The following LRRC7 variants were observed in gnomAD, a reference collection of about 807,000 sequenced individuals.
LRRC7 encodes the protein leucine rich repeat containing 7.
A neutral mutation model predicts 175.7 loss-of-function variants in LRRC7; 23 were observed. The observed-to-expected ratio is 0.13, with a 90% CI of 0.09 to 0.19. The LOEUF is 0.19. Among genes scored for constraint, LRRC7 ranks in the 10% least tolerant of loss-of-function variants. The pLI is 1.00. For missense variants in LRRC7, 1,354 were observed against 1,904.7 expected (o/e 0.71, Z 5.38); for synonymous variants, 685 against 680.9 (o/e 1.01, Z -0.09).
chr1:70,043,661 C>T (rs1283728027), intron 21 of LRRC7, among the ~76,000 whole-genome samples: 1 of 152,178 alleles, frequency 6.6e-6, no homozygotes, highest in Non-Finnish European at 1.5e-5. Flanking sequence ...TCCAAAGTCA[C>T]TACTATCACG....
At chr1:69,747,102 A>G (rs976967045) in intron 2 of LRRC7, among the ~76,000 whole-genome samples, 4 of 152,146 alleles carry the variant, frequency 2.6e-5, no homozygotes, top group African/African-American at 7.2e-5. Flanking sequence ...GTATGACTTC[A>G]TCTTAACCAA....
At position 70,128,262 on chromosome 1, in the gene LRRC7, T is replaced by A. The variant is rs752214199; in HGVS notation, c.*6375T>A. On this transcript the variant is annotated 3_prime_UTR_variant, in exon 27 of 27. Transcript: ENST00000651989. ...CAGGCGTGAGCCACTGTGCCCAGCATTTTTTCATTCTTTAAGCTAGCATAG... is the reference window on the plus strand; with the variant it reads ...CAGGCGTGAGCCACTGTGCCCAGCAATTTTTCATTCTTTAAGCTAGCATAG... 1.3e-5 allele frequency among the ~76,000 whole-genome samples: 2 copies of A among 152,202 alleles called. No individual in the cohort carries two copies. Among genetic ancestry groups the A allele is most frequent in the Non-Finnish European group, 1.5e-5 (1 of 68,024 alleles).
At chr1:69,688,645 T>TTTAA (rs111722010) in intron 2 of LRRC7, among the ~76,000 whole-genome samples, 10 of 148,364 alleles carry the variant, frequency 6.7e-5, no homozygotes, top group South Asian at 2.1e-4. Context: ...TTTTTTTTTT[T>TTTAA]AAAAAAAACC....
At chr1:69,797,119 T>G (rs1675882367) in intron 4 of LRRC7, among the ~76,000 whole-genome samples, 1 of 152,128 alleles carries the variant, frequency 6.6e-6, no homozygotes, top group Non-Finnish European at 1.5e-5. Flanking sequence ...GAGACATTCT[T>G]TTAAAAATAT....
intron 10 of LRRC7, among the ~76,000 whole-genome samples, chr1:69,990,219 G>A (rs1654305751): frequency 6.6e-6 from 1 of 152,020 alleles, no homozygotes; most frequent in Non-Finnish European, 1.5e-5. Flanking sequence ...ATTTAATTAA[G>A]TAATTTAGTT....
At chr1:69,714,103 T>A (rs956878030) in intron 2 of LRRC7, among the ~76,000 whole-genome samples, 3 of 152,224 alleles carry the variant, frequency 2.0e-5, no homozygotes, top group African/African-American at 7.2e-5. Context: ...CACCTTGCTC[T>A]CCAGGCCTTC....
chr1:69,659,347 G>GA (rs543418499), intron 1 of LRRC7, among the ~76,000 whole-genome samples: 2,601 of 147,188 alleles, frequency 0.018, 58 homozygotes, highest in African/African-American at 0.059. Context: ...GTTATAAAAG[G>GA]AAAAAAAAAA....
chr1:69,653,191 T>C (rs533894620), intron 1 of LRRC7, among the ~76,000 whole-genome samples: 1 of 152,138 alleles, frequency 6.6e-6, no homozygotes, highest in South Asian at 2.1e-4. Flanking sequence ...ACATGACATA[T>C]CTGATAAGGG....
intron 1 of LRRC7, among the ~76,000 whole-genome samples, chr1:69,587,373 C>A (rs908649206): frequency 1.3e-5 from 2 of 152,148 alleles, no homozygotes; most frequent in African/African-American, 4.8e-5. Flanking sequence ...CTGAGTGGAC[C>A]TCACTGATCC....
intron 2 of LRRC7, among the ~76,000 whole-genome samples, chr1:69,724,232 A>G (rs1026504069): frequency 1.3e-5 from 2 of 152,178 alleles, no homozygotes; most frequent in African/African-American, 4.8e-5. Context: ...CAAAACTGAT[A>G]AAACTTGTGC....
At chr1:69,870,887 T>C (rs921492132) in intron 7 of LRRC7, among the ~76,000 whole-genome samples, 1 of 152,128 alleles carries the variant, frequency 6.6e-6, no homozygotes, top group East Asian at 1.9e-4. Context: ...GAAAATGTTA[T>C]AAGGTATGTC....
chr1:69,619,655 G>C (rs1569977253), intron 1 of LRRC7, among the ~76,000 whole-genome samples: 2 of 152,146 alleles, frequency 1.3e-5, no homozygotes, highest in African/African-American at 4.8e-5. Flanking sequence ...ATCATTTAAA[G>C]GACAACAAAC....
intron 7 of LRRC7, among the ~76,000 whole-genome samples, chr1:69,862,433 G>C (rs890243844): frequency 2.0e-5 from 3 of 152,124 alleles, no homozygotes; most frequent in African/African-American, 4.8e-5. Flanking sequence ...ATTATAGGGA[G>C]GAGTACAGTA....
chr1:69,587,108 A>G (rs1646433178), intron 1 of LRRC7, among the ~76,000 whole-genome samples: 1 of 152,162 alleles, frequency 6.6e-6, no homozygotes, highest in South Asian at 2.1e-4. Context: ...AATGTGGTAT[A>G]ATATAACAGA....
intron 1 of LRRC7, chr1:69,608,435 G>C (rs569233427): frequency 3.8e-4 from 58 of 152,138 alleles, no homozygotes; most frequent in African/African-American, 1.4e-3. Flanking sequence ...AGGGTATTTA[G>C]AATTGTCTGC....
At chr1:69,719,554 C>T (rs1302380364) in intron 2 of LRRC7, among the ~76,000 whole-genome samples, 2 of 151,510 alleles carry the variant, frequency 1.3e-5, no homozygotes, top group African/African-American at 2.4e-5. Context: ...TTTTCTTGAC[C>T]TAGCATTATA....
intron 7 of LRRC7, among the ~76,000 whole-genome samples, chr1:69,869,116 C>T (rs115714736): frequency 1.3e-5 from 2 of 151,956 alleles, no homozygotes; most frequent in African/African-American, 4.8e-5. Context: ...CAGCCCACAA[C>T]GGGGAGTGAT....
chr1:70,003,613 T>C (rs981957005), intron 11 of LRRC7, among the ~76,000 whole-genome samples: 4 of 152,208 alleles, frequency 2.6e-5, no homozygotes, highest in Non-Finnish European at 5.9e-5. Flanking sequence ...CTGATGATTG[T>C]ATAAGATTTC....
intron 23 of LRRC7, among the ~76,000 whole-genome samples, chr1:70,060,455 T>G (rs1443632581): frequency 6.6e-6 from 1 of 152,142 alleles, no homozygotes; most frequent in Non-Finnish European, 1.5e-5. Context: ...TAACTATAAT[T>G]TTTGGTTTTG....
Sources: allele counts gnomAD v4.1 joint callset (sites outside exome capture counted in the v4.1 genomes callset), GRCh38; gene constraint gnomAD v4.1.1; transcripts MANE v1.5; gene names NCBI Gene and HGNC (gene_info 2026-07-23, HGNC 2026-07-21).